Variants in ABR observed in about 807,000 individuals in gnomAD.
ABR encodes ABR activator of RhoGEF and GTPase.
Under a neutral mutation model 107.2 loss-of-function variants are expected in ABR, and 35 were observed. The ratio of observed to expected loss-of-function variants is 0.33; its 90% CI spans 0.25 to 0.43. The LOEUF (loss-of-function observed/expected upper bound fraction) is 0.43, where lower values mean the gene tolerates loss of function less well. Ranked by LOEUF, ABR falls within the 20% of genes least tolerant of loss-of-function variation. The probability of loss-of-function intolerance (pLI) is 1.00; values close to 1 mark genes in which losing one functional copy is unlikely to be tolerated. For synonymous variants in ABR, 498 were observed against 462.0 expected (o/e 1.08, Z -1.00); for missense variants, 815 against 1,115.2 (o/e 0.73, Z 3.83).
chr17:1,027,699 G>C lies in ABR; in HGVS notation c.1792-14535C>G, dbSNP rs1409372301. ...CTGGTGTAGGGGCCTCCAGCTCTCG[G>C]GGGAGGCAGCACTGTAGTCCCCTGT... On this transcript the variant is annotated intron_variant, in intron 16 of 22. Transcript: ENST00000302538. The surrounding 1 kb of genome is among the most constrained non-coding windows in gnomAD (Gnocchi z 4.7). Among the ~76,000 whole-genome samples the C allele has an allele frequency of 6.6e-6, 1 of 152,060 alleles. No individual in the cohort carries two copies. Among genetic ancestry groups the C allele is most frequent in the Non-Finnish European group, 1.5e-5 (1 of 68,002 alleles).
chr17:1,011,812 C>T lies in ABR; in HGVS notation c.2101+34G>A, dbSNP rs982026924. On this transcript the variant is annotated intron_variant, in intron 19 of 22. Transcript: ENST00000302538. This position sits in a 1 kb window ranked among gnomAD's most constrained non-coding sequence, Gnocchi z 4.8. The stretch of plus-strand genomic sequence containing the variant: ...ATCCCACCAGCCTGCTCAGACACAG[C>T]CACACCTGCCCCGGCTGGGCCTCCC... 6.5e-7 allele frequency: 1 copy of T among 1,547,636 alleles called. No individual in the cohort carries two copies. The highest frequency in any genetic ancestry group is 1.2e-5 in the South Asian group (1 of 81,404).
chr17:1,064,278 A>G (rs549492589), intron 10 of ABR, among the ~76,000 whole-genome samples: 15 of 28,806 alleles, frequency 5.2e-4, no homozygotes, highest in African/African-American at 1.2e-3. Flanking sequence ...TCCTCCAGAC[A>G]CTGTTGTTAT....
At chr17:1,064,926 C>T (rs541544268) in intron 10 of ABR, among the ~76,000 whole-genome samples, 59 of 65,704 alleles carry the variant, frequency 9.0e-4, no homozygotes, top group African/African-American at 1.7e-3. Context: ...CTAGACACTG[C>T]TGTTATGTGA....
chr17:1,099,669 C>T (rs2037734647), intron 3 of ABR, among the ~76,000 whole-genome samples: 1 of 152,196 alleles, frequency 6.6e-6, no homozygotes, highest in African/African-American at 2.4e-5. Flanking sequence ...TCTTCCAAGG[C>T]AAAACCACCT....
chr17:1,100,323 C>T (rs1469958129), intron 3 of ABR, among the ~76,000 whole-genome samples: 2 of 152,160 alleles, frequency 1.3e-5, no homozygotes, highest in African/African-American at 4.8e-5. Flanking sequence ...GGCCCCCGCC[C>T]AGGCAGGCAG....
intron 2 of ABR, among the ~76,000 whole-genome samples, chr17:1,109,545 C>T (rs912057496): frequency 1.7e-4 from 26 of 150,350 alleles, no homozygotes; most frequent in African/African-American, 5.6e-4. Context: ...GCGGCCGGGC[C>T]GGGGTGGGGT....
chr17:1,179,116 C>T lies in ABR; in HGVS notation c.61+551G>A, dbSNP rs1370498907. 2.0e-5 allele frequency among the ~76,000 whole-genome samples: 3 copies of T among 151,944 alleles called. No homozygotes were observed. Among genetic ancestry groups the T allele is most frequent in the Non-Finnish European group, 4.4e-5 (3 of 67,952 alleles). ...TCAGCTCCCGCATCCAAACGGCCCC[C>T]GCGGATATCTGCACCCCCCGTCTCC... is the stretch of plus-strand genomic sequence containing the variant. On this transcript the variant is annotated intron_variant, in intron 1 of 22. Transcript: ENST00000302538. The surrounding 1 kb of genome is among the most constrained non-coding windows in gnomAD (Gnocchi z 4.9).
rs754552118 is a variant in ABR at position 1,179,760 on chromosome 17, C to G, written c.-33G>C. The G allele has an allele frequency of 3.5e-6, 5 of 1,440,302 alleles. No homozygotes were observed. The African/African-American group carries it at 4.4e-5, about 13-fold the overall frequency. 89.2% of individuals were successfully genotyped at this position (1,440,302 alleles called of 1,614,324 possible). A position where few individuals can be genotyped will look rare whatever the true frequency, so the allele number is the denominator to read the frequency against. ...CGGCGGCTCGGTCAGATCCGAAACC[C>G]GACCCTCATCGCGCAACAAAGGAGG... On this transcript the variant is annotated 5_prime_UTR_variant, in exon 1 of 23. Coordinates refer to ENST00000302538, the MANE Select transcript of ABR (RefSeq NM_021962.5). The surrounding 1 kb of genome is among the most constrained non-coding windows in gnomAD (Gnocchi z 4.9).
chr17:1,097,138 G>C (rs867168784), intron 3 of ABR, among the ~76,000 whole-genome samples: 2 of 152,202 alleles, frequency 1.3e-5, no homozygotes, highest in South Asian at 4.1e-4. Context: ...GCTCGTGGGT[G>C]GCAGGTGGGA....
chr17:1,023,272 G>A (rs1168321638), intron 16 of ABR, among the ~76,000 whole-genome samples: 1 of 152,230 alleles, frequency 6.6e-6, no homozygotes, highest in Non-Finnish European at 1.5e-5. Context: ...GGCTGACCTT[G>A]AGGAGAAGCA....
At chr17:1,067,857 T>C (rs11655229) in intron 9 of ABR, among the ~76,000 whole-genome samples, 32,066 of 152,246 alleles carry the variant, frequency 0.21, 3,577 homozygotes, top group South Asian at 0.25. Flanking sequence ...TGCTTATTAT[T>C]GCCATCTCTG....
At chr17:1,196,011 C>A (rs1211992445) in intron 1 of ABR, among the ~76,000 whole-genome samples, 4 of 150,080 alleles carry the variant, frequency 2.7e-5, no homozygotes, top group Non-Finnish European at 5.9e-5. Flanking sequence ...TGCCTGTAAT[C>A]CCAGGTACTC....
At chr17:1,012,016 C>T (rs868805566) in intron 18 of ABR, 31 bp from the exon 19 acceptor site, 2 of 1,609,366 alleles carry the variant, frequency 1.2e-6, no homozygotes, top group Non-Finnish European at 1.7e-6. Flanking sequence ...GGGTGGAGGG[C>T]AGCCCCCACG....
chr17:1,150,128 C>T lies in ABR; in HGVS notation c.62-24761G>A, dbSNP rs553282217. ...ACACCGAGAGGAAGGCCAGCTTGCC[C>T]GGTGTCTTCTCAAGGGCTGACACAC... On this transcript the variant is annotated intron_variant, in intron 1 of 22. Transcript: ENST00000302538. This position sits in a 1 kb window ranked among gnomAD's most constrained non-coding sequence, Gnocchi z 4.8. 1.3e-5 allele frequency among the ~76,000 whole-genome samples: 2 copies of T among 151,766 alleles called. No homozygotes were observed. The highest frequency in any genetic ancestry group is 1.9e-4 in the East Asian group (1 of 5,132).
At chr17:1,184,667 C>CTTT (rs35617329), upstream of ABR, among the ~76,000 whole-genome samples, 63 of 145,750 alleles carry the variant, frequency 4.3e-4, no homozygotes, top group African/African-American at 1.3e-3. Flanking sequence ...TTATTGAGTG[C>CTTT]TTTTTTTTTT....
Position 1,179,184 on chromosome 17 carries a change from G to GA in ABR, c.61+482dup, listed in dbSNP as rs1178984448. Among the ~76,000 whole-genome samples, 1 of 138,656 alleles carries GA rather than the reference G, an allele frequency of 7.2e-6. No homozygotes were observed. Among genetic ancestry groups the GA allele is most frequent in the African/African-American group, 2.7e-5 (1 of 37,326 alleles). The allele number at this position is 138,656 out of a possible 152,430, so 91.0% of individuals were successfully genotyped here. On this transcript the variant is annotated intron_variant, in intron 1 of 22. Coordinates refer to ENST00000302538, the MANE Select transcript of ABR (RefSeq NM_021962.5). This position sits in a 1 kb window ranked among gnomAD's most constrained non-coding sequence, Gnocchi z 4.9. ...CCCCAGCACCGAACCCCTGGGCCCT[G>GA]AACCACACATGACCCGGTGCCCCTG...
intron 1 of ABR, among the ~76,000 whole-genome samples, chr17:1,199,337 C>T (rs1321478509): frequency 6.6e-6 from 1 of 150,704 alleles, no homozygotes; most frequent in Non-Finnish European, 1.5e-5. Flanking sequence ...CTCATCTGTA[C>T]CCATGTCATA....
Position 1,108,889 on chromosome 17 carries a change from G to GCCGGC in ABR, c.247-8159_247-8155dup, listed in dbSNP as rs772677866. On this transcript the variant is annotated intron_variant, in intron 2 of 22. Coordinates refer to ENST00000302538, the MANE Select transcript of ABR (RefSeq NM_021962.5). ...ATTTCTCCCGCGCACCTTCGGCAGC[G>GCCGGC]CCGGCCCGGCCCCCCCCAGCGCCCA... The GCCGGC allele has an allele frequency of 1.4e-5, 22 of 1,537,386 alleles. No individual in the cohort carries two copies. The East Asian group carries it at 3.9e-4, about 27-fold the overall frequency.
At chr17:1,125,000 A>G (rs754040384) in intron 2 of ABR, among the ~76,000 whole-genome samples, 183 bp downstream of exon 2, 1 of 151,518 alleles carries the variant, frequency 6.6e-6, no homozygotes, top group African/African-American at 2.4e-5. Flanking sequence ...GCAGGTGGGG[A>G]GGGAAGCCCG....
Sources: gnomAD v4.1 joint callset for allele counts (sites outside exome capture counted in the v4.1 genomes callset) on GRCh38, gnomAD v4.1.1 for gene constraint, Gnocchi (gnomAD v3.1) non-coding constraint, MANE v1.5 for transcripts, NCBI Gene and HGNC (gene_info 2026-07-23, HGNC 2026-07-21) for gene names.